CCDC171: variants seen among roughly 807,000 people sequenced by gnomAD.
CCDC171 encodes the protein coiled-coil domain containing 171.
CCDC171 carries 177 observed loss-of-function variants against 168.2 expected under a neutral mutation model. That is an observed-to-expected ratio of 1.05 (90% CI 0.93 to 1.19). CCDC171 has a LOEUF of 1.19. Among genes scored for constraint, CCDC171 ranks in the 50% most tolerant of loss-of-function variants. CCDC171 has a pLI of 0.00. For synonymous variants in CCDC171, 687 were observed against 540.8 expected (o/e 1.27, Z -3.75); for missense variants, 1,991 against 1,539.0 (o/e 1.29, Z -4.91).
At chr9:15,648,473 T>C (rs1218997362) in intron 7 of CCDC171, among the ~76,000 whole-genome samples, 2 of 152,194 alleles carry the variant, frequency 1.3e-5, no homozygotes, top group South Asian at 2.1e-4. Flanking sequence ...TGTTTGTAGA[T>C]GACATGATTG....
chr9:15,732,561 G>A (rs564329634), intron 16 of CCDC171, among the ~76,000 whole-genome samples: 20 of 152,048 alleles, frequency 1.3e-4, no homozygotes, highest in Non-Finnish European at 2.8e-4. Context: ...AGCCTTTTGG[G>A]TCTGGTTACT....
intron 11 of CCDC171, among the ~76,000 whole-genome samples, chr9:15,717,878 C>T (rs952761548): frequency 1.3e-5 from 2 of 152,204 alleles, no homozygotes; most frequent in Non-Finnish European, 2.9e-5. Flanking sequence ...CTGAGATCTG[C>T]TGGTTTGAAG....
intron 1 of CCDC171, among the ~76,000 whole-genome samples, chr9:16,044,186 G>A (rs1306415232): frequency 6.6e-6 from 1 of 152,186 alleles, no homozygotes; most frequent in Non-Finnish European, 1.5e-5. Context: ...GGAGGCTGGG[G>A]GTGGTAGTGA....
chr9:15,563,135 A>C (rs1006015241), intron 1 of CCDC171, among the ~76,000 whole-genome samples: 1 of 148,846 alleles, frequency 6.7e-6, no homozygotes, highest in Non-Finnish European at 1.5e-5. Context: ...TTTTCAAGTT[A>C]CTTCTTTTTT....
chr9:15,978,340 G>A (rs967762537), downstream of CCDC171, among the ~76,000 whole-genome samples: 2 of 151,932 alleles, frequency 1.3e-5, no homozygotes, highest in Admixed American at 1.3e-4. Context: ...GAATGGTGGC[G>A]GTGTTCTTAC....
intron 3 of CCDC171, among the ~76,000 whole-genome samples, chr9:16,004,711 C>T (rs1256963116): frequency 2.0e-5 from 3 of 152,126 alleles, no homozygotes; most frequent in Non-Finnish European, 4.4e-5. Context: ...AATTCGAGAC[C>T]TCTGATGTAG....
chr9:15,663,886 G>A (rs529506548), intron 8 of CCDC171, among the ~76,000 whole-genome samples: 1 of 152,232 alleles, frequency 6.6e-6, no homozygotes, highest in African/African-American at 2.4e-5. Context: ...GATTACATGC[G>A]TGAGCCACCG....
intron 6 of CCDC171, among the ~76,000 whole-genome samples, chr9:16,033,462 T>C (rs1022288823): frequency 6.6e-6 from 1 of 152,198 alleles, no homozygotes; most frequent in African/African-American, 2.4e-5. Flanking sequence ...GCGTGGGATC[T>C]GGGTTGCGTT....
At chr9:15,584,986 A>T (rs2041441171) in intron 4 of CCDC171, among the ~76,000 whole-genome samples, 1 of 152,202 alleles carries the variant, frequency 6.6e-6, no homozygotes, top group Non-Finnish European at 1.5e-5. Context: ...TATTAATCAG[A>T]GGAAAAATGC....
chr9:15,825,915 A>G (rs2059992396), intron 21 of CCDC171, among the ~76,000 whole-genome samples: 1 of 152,172 alleles, frequency 6.6e-6, no homozygotes, highest in African/African-American at 2.4e-5. Context: ...ACTTTGTGAA[A>G]TAATACTCCA....
At chr9:15,803,925 G>C (rs2058951316) in intron 21 of CCDC171, among the ~76,000 whole-genome samples, 1 of 150,164 alleles carries the variant, frequency 6.7e-6, no homozygotes. Context: ...TTTGTTTATA[G>C]TTCTCCTTGA....
chr9:15,934,904 C>A (rs538405346), intron 25 of CCDC171, among the ~76,000 whole-genome samples: 1 of 152,006 alleles, frequency 6.6e-6, no homozygotes, highest in African/African-American at 2.4e-5. Context: ...AAGCCAGACA[C>A]AAAAGGCCAC....
chr9:15,642,077 T>G (rs2046653912), intron 7 of CCDC171, among the ~76,000 whole-genome samples: 1 of 151,882 alleles, frequency 6.6e-6, no homozygotes, highest in African/African-American at 2.4e-5. Context: ...GGCAGGACAA[T>G]TGCTTGAAAC....
intron 24 of CCDC171, among the ~76,000 whole-genome samples, chr9:15,918,026 T>C (rs1206167541): frequency 6.6e-6 from 1 of 151,748 alleles, no homozygotes; most frequent in African/African-American, 2.4e-5. Context: ...TGCTTTCTTA[T>C]ATTAAATGCA....
At chr9:15,602,966 T>A (rs1351453122) in intron 6 of CCDC171, among the ~76,000 whole-genome samples, 1 of 152,060 alleles carries the variant, frequency 6.6e-6, no homozygotes, top group South Asian at 2.1e-4. Flanking sequence ...CCTTATTTAA[T>A]TTTTTTAATT....
At chr9:15,616,596 C>T (rs1258510532) in intron 6 of CCDC171, among the ~76,000 whole-genome samples, 3 of 151,952 alleles carry the variant, frequency 2.0e-5, no homozygotes, top group Non-Finnish European at 4.4e-5. Flanking sequence ...TTAAAGTAGA[C>T]AAGTATGTAA....
intron 20 of CCDC171, among the ~76,000 whole-genome samples, chr9:15,781,736 C>T (rs2057678270): frequency 1.3e-5 from 2 of 152,066 alleles, no homozygotes; most frequent in South Asian, 2.1e-4. Context: ...TATATATTGT[C>T]CTATAATTAT....
intron 9 of CCDC171, among the ~76,000 whole-genome samples, chr9:15,671,297 G>C (rs967219030): frequency 6.6e-6 from 1 of 151,342 alleles, no homozygotes; most frequent in Non-Finnish European, 1.5e-5. Context: ...GTTCCTCCTG[G>C]ACTCTTCTGT....
the CCDC171 span, among the ~76,000 whole-genome samples, chr9:16,073,099 G>T: frequency 6.6e-6 from 1 of 152,148 alleles, no homozygotes; most frequent in African/African-American, 2.4e-5. Context: ...TTTTGCCTAA[G>T]GGCCCCTGGA....
Sources: allele counts gnomAD v4.1 joint callset (sites outside exome capture counted in the v4.1 genomes callset), GRCh38; gene constraint gnomAD v4.1.1; transcripts MANE v1.5; gene names NCBI Gene and HGNC (gene_info 2026-07-23, HGNC 2026-07-21).